CNTNAP2: variants seen among roughly 807,000 people sequenced by gnomAD.
CNTNAP2 encodes contactin associated protein 2, also known as contactin-associated protein-like 2.
In CNTNAP2, 98 loss-of-function variants were observed where a neutral mutation model predicts 155.2. The ratio of observed to expected loss-of-function variants is 0.63; its 90% CI spans 0.54 to 0.75. The LOEUF (loss-of-function observed/expected upper bound fraction) is 0.75. Among genes scored for constraint, CNTNAP2 ranks in the 30% least tolerant of loss-of-function variants. The pLI, the probability that CNTNAP2 is intolerant of heterozygous loss-of-function variation, is 0.00. For missense variants in CNTNAP2, 1,727 were observed against 1,688.1 expected, an observed-to-expected ratio of 1.02 and a Z score of -0.40; for synonymous variants, 651 against 631.2, an observed-to-expected ratio of 1.03 and a Z score of -0.47.
chr7:148,309,669 A>G (rs1240894202), intron 21 of CNTNAP2, among the ~76,000 whole-genome samples: 1 of 151,240 alleles, frequency 6.6e-6, no homozygotes, highest in East Asian at 1.9e-4. Flanking sequence ...AGGAGAAGGA[A>G]TTTCACACGA....
At chr7:146,234,310 G>T (rs1209173119) in intron 1 of CNTNAP2, among the ~76,000 whole-genome samples, 11 of 151,958 alleles carry the variant, frequency 7.2e-5, no homozygotes, top group Non-Finnish European at 1.6e-4. Context: ...TTTTGATGGG[G>T]TTGTTTTTTT....
At chr7:147,599,789 C>G (rs995034304) in intron 12 of CNTNAP2, among the ~76,000 whole-genome samples, 3 of 152,166 alleles carry the variant, frequency 2.0e-5, no homozygotes, top group Non-Finnish European at 2.9e-5. Flanking sequence ...TGGATTAAGG[C>G]TCATTCTTAC....
chr7:148,127,197 C>T (rs907425946), intron 16 of CNTNAP2, among the ~76,000 whole-genome samples: 4 of 152,038 alleles, frequency 2.6e-5, no homozygotes, highest in African/African-American at 9.7e-5. Flanking sequence ...CCCAGCTACT[C>T]GGGAGGCTGA....
chr7:147,045,134 T>C (rs1799331729), intron 4 of CNTNAP2, among the ~76,000 whole-genome samples: 1 of 152,154 alleles, frequency 6.6e-6, no homozygotes, highest in African/African-American at 2.4e-5. Context: ...GCTGTTACAA[T>C]TCCCTGGGGG....
At chr7:147,583,547 A>C (rs1800557969) in intron 12 of CNTNAP2, among the ~76,000 whole-genome samples, 1 of 144,256 alleles carries the variant, frequency 6.9e-6, no homozygotes, top group Non-Finnish European at 1.5e-5. Flanking sequence ...CAAACAGATT[A>C]AAATTAGTTC....
intron 3 of CNTNAP2, among the ~76,000 whole-genome samples, chr7:147,018,232 T>A (rs113035447): frequency 5.9e-5 from 9 of 152,210 alleles, no homozygotes; most frequent in African/African-American, 1.9e-4. Context: ...CCAATTATAC[T>A]GGTTAGGTAC....
At chr7:147,567,157 G>A (rs1800191097) in intron 12 of CNTNAP2, among the ~76,000 whole-genome samples, 1 of 152,184 alleles carries the variant, frequency 6.6e-6, no homozygotes, top group Non-Finnish European at 1.5e-5. Flanking sequence ...CTACATCCTA[G>A]GCAATTAGGG....
At chr7:146,325,285 TA>T (rs1306138688) in intron 1 of CNTNAP2, among the ~76,000 whole-genome samples, 4 of 152,142 alleles carry the variant, frequency 2.6e-5, no homozygotes, top group Admixed American at 1.3e-4. Context: ...TGATGAGTTT[TA>T]AAAAATTATA....
intron 9 of CNTNAP2, among the ~76,000 whole-genome samples, chr7:147,330,223 G>A (rs1795532884): frequency 6.6e-6 from 1 of 152,122 alleles, no homozygotes; most frequent in Non-Finnish European, 1.5e-5. Context: ...GAGTTGATAA[G>A]CTTCTGAGTT....
intron 4 of CNTNAP2, among the ~76,000 whole-genome samples, chr7:147,063,350 T>C (rs1799718895): frequency 7.0e-6 from 1 of 143,298 alleles, no homozygotes; most frequent in Admixed American, 7.1e-5. Flanking sequence ...ATATATGAAA[T>C]GACTTTGTTG....
chr7:146,251,666 G>A (rs911306954), intron 1 of CNTNAP2, among the ~76,000 whole-genome samples: 4 of 152,088 alleles, frequency 2.6e-5, no homozygotes, highest in African/African-American at 9.7e-5. Flanking sequence ...ATGAATCAGA[G>A]GATGAAGTAA....
chr7:146,574,052 A>G (rs1798483532), intron 1 of CNTNAP2, among the ~76,000 whole-genome samples: 1 of 152,180 alleles, frequency 6.6e-6, no homozygotes, highest in African/African-American at 2.4e-5. Flanking sequence ...GGAACATGCT[A>G]AGAGGAAGGA....
chr7:147,499,519 ACT>A (rs1391790263), intron 11 of CNTNAP2, among the ~76,000 whole-genome samples: 1 of 151,898 alleles, frequency 6.6e-6, no homozygotes, highest in Non-Finnish European at 1.5e-5. Flanking sequence ...ACAGTGCAAA[ACT>A]CTGTCTCAAA....
intron 15 of CNTNAP2, among the ~76,000 whole-genome samples, chr7:147,993,565 C>T (rs1320147214): frequency 1.3e-5 from 2 of 151,954 alleles, no homozygotes; most frequent in East Asian, 3.9e-4. Flanking sequence ...CGGGCAGTGT[C>T]GATAAGAAAG....
rs531186860 is a variant in CNTNAP2, at chr7:146,893,459, G to GTA, written c.402+53564_402+53565dup. Among the ~76,000 whole-genome samples, 1,163 of 130,176 alleles carry GTA rather than the reference G, an allele frequency of 8.9e-3. 11 individuals carry two copies. Among genetic ancestry groups the GTA allele is most frequent in the African/African-American group, 0.034 (1,093 of 31,956 alleles). The allele number at this position is 130,176 out of a possible 152,430, so 85.4% of individuals were successfully genotyped here. On this transcript the variant is annotated intron_variant, in intron 3 of 23. Coordinates refer to ENST00000361727, the MANE Select transcript of CNTNAP2 (RefSeq NM_014141.6). ...TGTGTGTATGTATATATGTGTGTGT[G>GTA]TATATATATACATACATATATATAT...
chr7:148,409,982 C>A, intron 23 of CNTNAP2, among the ~76,000 whole-genome samples: 1 of 73,674 alleles, frequency 1.4e-5, no homozygotes. Flanking sequence ...ACCTGGGAGG[C>A]GGAGCTTGCA....
At chr7:146,547,241 G>A (rs1798042904) in intron 1 of CNTNAP2, among the ~76,000 whole-genome samples, 1 of 151,936 alleles carries the variant, frequency 6.6e-6, no homozygotes, top group South Asian at 2.1e-4. Flanking sequence ...GCCATAGAGT[G>A]TAACTGTAAA....
At chr7:147,233,899 T>C (rs960156030) in intron 8 of CNTNAP2, among the ~76,000 whole-genome samples, 7 of 152,116 alleles carry the variant, frequency 4.6e-5, no homozygotes, top group African/African-American at 1.7e-4. Flanking sequence ...ATTTGCTATA[T>C]TCACTCTAAA....
chr7:146,702,399 G>A (rs919900328), intron 1 of CNTNAP2, among the ~76,000 whole-genome samples: 3 of 152,028 alleles, frequency 2.0e-5, no homozygotes, highest in African/African-American at 7.2e-5. Context: ...TCTATTAAAA[G>A]GGCAGAGAAT....
Sources: allele counts gnomAD v4.1 joint callset (sites outside exome capture counted in the v4.1 genomes callset), GRCh38; gene constraint gnomAD v4.1.1; transcripts MANE v1.5; gene names NCBI Gene and HGNC (gene_info 2026-07-23, HGNC 2026-07-21).